CNTLN: variants seen among roughly 807,000 people sequenced by gnomAD.
CNTLN encodes centlein, centrosomal protein.
A neutral mutation model predicts 180.0 loss-of-function variants in CNTLN; 212 were observed. The observed-to-expected ratio is 1.18, with a 90% CI of 1.05 to 1.32. CNTLN has a LOEUF of 1.32. CNTLN is among the 40% of genes most tolerant of loss of function. The pLI, the probability that CNTLN is intolerant of heterozygous loss-of-function variation, is 0.00. For missense variants in CNTLN, 2,095 were observed against 1,610.9 expected, an observed-to-expected ratio of 1.30 and a Z score of -5.14; for synonymous variants, 722 against 563.1, an observed-to-expected ratio of 1.28 and a Z score of -3.99.
chr9:17,377,126 A>G (rs1319697024), intron 13 of CNTLN, among the ~76,000 whole-genome samples: 1 of 152,222 alleles, frequency 6.6e-6, no homozygotes, highest in African/African-American at 2.4e-5. Context: ...TTACAAGAAT[A>G]ATTTCCTCAG....
At chr9:17,336,470 C>T (rs1446427005) in intron 10 of CNTLN, among the ~76,000 whole-genome samples, 1 of 152,120 alleles carries the variant, frequency 6.6e-6, no homozygotes, top group Non-Finnish European at 1.5e-5. Flanking sequence ...TAATTTAATG[C>T]ATGATTTACA....
intron 25 of CNTLN, among the ~76,000 whole-genome samples, chr9:17,501,761 C>G (rs1362871790): frequency 6.6e-6 from 1 of 152,138 alleles, no homozygotes; most frequent in African/African-American, 2.4e-5. Flanking sequence ...TATGACAGAC[C>G]TCTTATGTGA....
chr9:17,267,726 C>G (rs1827591921), intron 5 of CNTLN, among the ~76,000 whole-genome samples: 1 of 152,156 alleles, frequency 6.6e-6, no homozygotes, highest in Non-Finnish European at 1.5e-5. Flanking sequence ...TTCTTGGAGG[C>G]TTTGTTCGTT....
intron 13 of CNTLN, among the ~76,000 whole-genome samples, chr9:17,380,325 C>G (rs945488202): frequency 1.1e-4 from 16 of 152,272 alleles, no homozygotes; most frequent in African/African-American, 2.2e-4. Context: ...AAGTTTACTG[C>G]CTCCTCCCAG....
At chr9:17,186,828 C>T (rs928413454) in intron 2 of CNTLN, among the ~76,000 whole-genome samples, 37 of 152,110 alleles carry the variant, frequency 2.4e-4, no homozygotes, top group Admixed American at 1.3e-3. Flanking sequence ...ATAAATATTA[C>T]TATCCTTTCT....
intron 1 of CNTLN, among the ~76,000 whole-genome samples, chr9:17,141,798 G>C (rs1431406793): frequency 2.6e-5 from 4 of 151,934 alleles, no homozygotes; most frequent in Non-Finnish European, 5.9e-5. Context: ...GAATAACCAA[G>C]ATTGGCTGGG....
chr9:17,482,153 C>T (rs1832681591), intron 23 of CNTLN, among the ~76,000 whole-genome samples: 1 of 152,064 alleles, frequency 6.6e-6, no homozygotes, highest in Non-Finnish European at 1.5e-5. Flanking sequence ...TCTTAAAGTT[C>T]AGTCAACTAT....
intron 2 of CNTLN, among the ~76,000 whole-genome samples, chr9:17,179,210 C>G (rs1820956977): frequency 7.3e-6 from 1 of 137,756 alleles, no homozygotes; most frequent in South Asian, 2.2e-4. Context: ...CGCCACTGCA[C>G]TCCAGCCTGG....
At chr9:17,469,168 C>T (rs964334388) in intron 23 of CNTLN, among the ~76,000 whole-genome samples, 1 of 151,582 alleles carries the variant, frequency 6.6e-6, no homozygotes, top group Non-Finnish European at 1.5e-5. Context: ...TACAAGTTAA[C>T]GAAGTGATTA....
At chr9:17,209,273 G>A (rs1051490614) in intron 2 of CNTLN, among the ~76,000 whole-genome samples, 1 of 152,150 alleles carries the variant, frequency 6.6e-6, no homozygotes, top group African/African-American at 2.4e-5. Context: ...ATTGTAGTCA[G>A]AGAAGATACT....
At chr9:17,270,321 T>A (rs894368637) in intron 5 of CNTLN, among the ~76,000 whole-genome samples, 13 of 152,152 alleles carry the variant, frequency 8.5e-5, no homozygotes, top group Non-Finnish European at 2.9e-5. Flanking sequence ...TGTTTTTAAA[T>A]CGTAAGGTGT....
intron 11 of CNTLN, 106 bp from the exon 12 acceptor site, chr9:17,342,215 GAGTT>G: frequency 9.5e-7 from 1 of 1,047,420 alleles, no homozygotes; most frequent in Non-Finnish European, 1.4e-6. Context: ...TGGTGAACTC[GAGTT>G]AGAAATTTGG....
chr9:17,279,946 G>T (rs1180501667), intron 6 of CNTLN, among the ~76,000 whole-genome samples: 1 of 152,132 alleles, frequency 6.6e-6, no homozygotes, highest in Non-Finnish European at 1.5e-5. Context: ...AGAGAGACCT[G>T]AGCTAGTATG....
intron 6 of CNTLN, among the ~76,000 whole-genome samples, chr9:17,287,567 G>A (rs1829067840): frequency 6.7e-6 from 1 of 149,822 alleles, no homozygotes; most frequent in Non-Finnish European, 1.5e-5. Context: ...GATTGGAATA[G>A]TTTCAGAAGG....
At chr9:17,400,345 G>T (rs1826874472) in intron 15 of CNTLN, among the ~76,000 whole-genome samples, 1 of 152,072 alleles carries the variant, frequency 6.6e-6, no homozygotes, top group South Asian at 2.1e-4. Flanking sequence ...CACCATGTTG[G>T]CCAGGCTGGT....
chr9:17,482,780 A>G (rs1314373832), intron 23 of CNTLN, among the ~76,000 whole-genome samples: 1 of 152,204 alleles, frequency 6.6e-6, no homozygotes, highest in Non-Finnish European at 1.5e-5. Context: ...TAGAAAGTTC[A>G]GACACTGACA....
At chr9:17,383,051 T>G (rs1469578838) in intron 13 of CNTLN, among the ~76,000 whole-genome samples, 2 of 152,214 alleles carry the variant, frequency 1.3e-5, no homozygotes, top group East Asian at 3.9e-4. Context: ...AACTGAGGTG[T>G]GACCTCCTAT....
At chr9:17,151,473 C>T (rs12136998) in intron 2 of CNTLN, among the ~76,000 whole-genome samples, 1 of 152,018 alleles carries the variant, frequency 6.6e-6, no homozygotes, top group Admixed American at 6.6e-5. Flanking sequence ...TATTGATTTG[C>T]ATATGTTGAA....
chr9:17,452,858 A>C (rs1830865095), intron 18 of CNTLN, among the ~76,000 whole-genome samples: 1 of 152,140 alleles, frequency 6.6e-6, no homozygotes, highest in Non-Finnish European at 1.5e-5. Context: ...TATTCATGGG[A>C]TCCTACAGTT....
Sources: allele counts gnomAD v4.1 joint callset (sites outside exome capture counted in the v4.1 genomes callset), GRCh38; gene constraint gnomAD v4.1.1; transcripts MANE v1.5; gene names NCBI Gene and HGNC (gene_info 2026-07-23, HGNC 2026-07-21).